The following TENM3 variants were observed in gnomAD, a reference collection of about 807,000 sequenced individuals.
TENM3 encodes the protein teneurin transmembrane protein 3.
A neutral mutation model predicts 255.1 loss-of-function variants in TENM3; 63 were observed. The observed-to-expected ratio is 0.25, with a 90% CI of 0.20 to 0.30. TENM3 has a LOEUF of 0.30. Ranked by LOEUF, TENM3 falls within the 10% of genes least tolerant of loss-of-function variation. The probability of loss-of-function intolerance (pLI) is 1.00; values close to 1 mark genes in which losing one functional copy is unlikely to be tolerated. For synonymous variants in TENM3, 1,306 were observed against 1,322.3 expected, an observed-to-expected ratio of 0.99 and a Z score of 0.27; for missense variants, 2,929 against 3,461.1, an observed-to-expected ratio of 0.85 and a Z score of 3.86.
chr4:181,878,640 A>G, the TENM3 span, among the ~76,000 whole-genome samples: 1 of 152,064 alleles, frequency 6.6e-6, no homozygotes. Context: ...TTATTTCTTA[A>G]TAAGATGATG....
At chr4:182,212,986 C>T (rs1171027525) in intron 1 of TENM3, among the ~76,000 whole-genome samples, 2 of 152,116 alleles carry the variant, frequency 1.3e-5, no homozygotes, top group South Asian at 4.1e-4. Flanking sequence ...TTCCACCGTC[C>T]CTTGTATTTT....
At chr4:182,553,601 A>T (rs1742291269) in intron 3 of TENM3, among the ~76,000 whole-genome samples, 2 of 152,186 alleles carry the variant, frequency 1.3e-5, no homozygotes, top group Admixed American at 1.3e-4. Context: ...GCATAATGAA[A>T]GTTTATTTTT....
At chr4:182,763,978 G>A (rs1323456537) in intron 22 of TENM3, among the ~76,000 whole-genome samples, 2 of 152,154 alleles carry the variant, frequency 1.3e-5, no homozygotes, top group East Asian at 1.9e-4. Flanking sequence ...TTAACTTAAT[G>A]TTTAAAGTGT....
At chr4:182,798,080 G>A (rs1233920524) in intron 27 of TENM3, among the ~76,000 whole-genome samples, 2 of 152,084 alleles carry the variant, frequency 1.3e-5, no homozygotes, top group East Asian at 3.9e-4. Flanking sequence ...CACCCAGGCT[G>A]GAGTGCAGCC....
intron 3 of TENM3, among the ~76,000 whole-genome samples, chr4:182,479,087 A>G (rs898852284): frequency 1.3e-5 from 2 of 150,248 alleles, no homozygotes; most frequent in Non-Finnish European, 3.0e-5. Context: ...TACGTAAAAT[A>G]CTTTGGACCC....
intron 1 of TENM3, among the ~76,000 whole-genome samples, chr4:182,295,192 G>A (rs568578162): frequency 3.7e-4 from 55 of 149,908 alleles, no homozygotes; most frequent in African/African-American, 1.2e-3. Flanking sequence ...TATTATTGAT[G>A]ATATAAGACA....
chr4:181,616,688 G>C, the TENM3 span, among the ~76,000 whole-genome samples: 3 of 152,084 alleles, frequency 2.0e-5, no homozygotes, highest in Non-Finnish European at 4.4e-5. Flanking sequence ...GAGAACCTGG[G>C]GGCTGCTGGT....
chr4:181,540,837 G>A, the TENM3 span, among the ~76,000 whole-genome samples: 1 of 147,958 alleles, frequency 6.8e-6, no homozygotes, highest in African/African-American at 2.7e-5. Context: ...GGACAGATAA[G>A]GGCCATTAAG....
chr4:182,086,814 G>A, the TENM3 span, among the ~76,000 whole-genome samples: 1 of 152,114 alleles, frequency 6.6e-6, no homozygotes, highest in Non-Finnish European at 1.5e-5. Flanking sequence ...ATGGCTCTGG[G>A]GAACGTAAAA....
At chr4:182,193,178 G>A (rs1366039730) in intron 1 of TENM3, among the ~76,000 whole-genome samples, 1 of 152,186 alleles carries the variant, frequency 6.6e-6, no homozygotes, top group Non-Finnish European at 1.5e-5. Flanking sequence ...TTGTAGAAAA[G>A]TATGTTTCAT....
At chr4:181,479,996 G>C in the TENM3 span, among the ~76,000 whole-genome samples, 1,800 of 152,124 alleles carry the variant, frequency 0.012, 31 homozygotes, top group African/African-American at 0.038. Flanking sequence ...ACAGTAACCA[G>C]TAATGTTAAT....
chr4:182,688,813 AG>A (rs2152575902), intron 12 of TENM3, among the ~76,000 whole-genome samples: 2 of 152,300 alleles, frequency 1.3e-5, no homozygotes, highest in African/African-American at 4.8e-5. Flanking sequence ...TCTGCAAAAG[AG>A]GTTTGACTTA....
At chr4:181,719,433 T>C in the TENM3 span, among the ~76,000 whole-genome samples, 1 of 152,068 alleles carries the variant, frequency 6.6e-6, no homozygotes, top group Non-Finnish European at 1.5e-5. Context: ...TTTCTCACGG[T>C]TCTGGAGATG....
intron 8 of TENM3, 140 bp from the exon 9 acceptor site, chr4:182,680,106 CTT>C (rs2152564822): frequency 2.7e-6 from 2 of 743,042 alleles, no homozygotes; most frequent in Middle Eastern, 2.4e-4. Flanking sequence ...TCATGAAACA[CTT>C]TGAAAATCTG....
chr4:182,425,822 A>T (rs1771164259), intron 3 of TENM3, among the ~76,000 whole-genome samples: 1 of 152,092 alleles, frequency 6.6e-6, no homozygotes. Flanking sequence ...AGCCTGACCA[A>T]CATGGTGAAA....
At chr4:182,517,189 C>A (rs1738057111) in intron 3 of TENM3, among the ~76,000 whole-genome samples, 1 of 151,932 alleles carries the variant, frequency 6.6e-6, no homozygotes, top group South Asian at 2.1e-4. Flanking sequence ...CCAAACCCAG[C>A]CGAGAATATA....
intron 1 of TENM3, among the ~76,000 whole-genome samples, chr4:182,199,135 G>T (rs1165935680): frequency 6.6e-6 from 1 of 152,148 alleles, no homozygotes; most frequent in Non-Finnish European, 1.5e-5. Flanking sequence ...GGGACTGAAT[G>T]GTGTTGACTG....
chr4:181,750,432 C>A, the TENM3 span, among the ~76,000 whole-genome samples: 1 of 152,164 alleles, frequency 6.6e-6, no homozygotes. Context: ...TAAAATAAAA[C>A]CCTTTTTAGC....
the TENM3 span, among the ~76,000 whole-genome samples, chr4:181,456,452 GAAC>G: frequency 6.6e-6 from 1 of 151,818 alleles, no homozygotes; most frequent in Non-Finnish European, 1.5e-5. Flanking sequence ...AAATTCAGCA[GAAC>G]TACTAAAACA....
Sources: gnomAD v4.1 joint callset for allele counts (sites outside exome capture counted in the v4.1 genomes callset) on GRCh38, gnomAD v4.1.1 for gene constraint, MANE v1.5 for transcripts, NCBI Gene and HGNC (gene_info 2026-07-23, HGNC 2026-07-21) for gene names.